Variants in SHISA9 observed in about 807,000 individuals in gnomAD.
SHISA9 encodes shisa family member 9, also known as protein shisa-9.
A neutral mutation model predicts 38.0 loss-of-function variants in SHISA9; 13 were observed. The observed-to-expected ratio is 0.34, with a 90% CI of 0.22 to 0.54. The LOEUF is 0.54. SHISA9 is among the 20% of genes least tolerant of loss of function. SHISA9 has a pLI of 0.91. For synonymous variants in SHISA9, 275 were observed against 242.0 expected, an observed-to-expected ratio of 1.14 and a Z score of -1.27; for missense variants, 538 against 575.8, an observed-to-expected ratio of 0.93 and a Z score of 0.67.
the SHISA9 span, among the ~76,000 whole-genome samples, chr16:13,324,293 A>T: frequency 2.0e-5 from 3 of 152,012 alleles, no homozygotes; most frequent in African/African-American, 7.3e-5. Flanking sequence ...CCCTTTCGTG[A>T]CCTCTTAGCA....
At chr16:12,986,148 A>G (rs2072305561) in intron 2 of SHISA9, among the ~76,000 whole-genome samples, 2 of 152,184 alleles carry the variant, frequency 1.3e-5, no homozygotes, top group African/African-American at 2.4e-5. Flanking sequence ...GCTCATATAC[A>G]AACCCTCTTT....
intron 2 of SHISA9, among the ~76,000 whole-genome samples, chr16:13,059,216 C>T (rs576238006): frequency 6.6e-5 from 10 of 150,658 alleles, no homozygotes; most frequent in East Asian, 5.9e-4. Flanking sequence ...CAAGCTCCCC[C>T]TCCCGGGTTC....
At chr16:13,200,220 T>A (rs2050991203) in intron 2 of SHISA9, among the ~76,000 whole-genome samples, 1 of 152,116 alleles carries the variant, frequency 6.6e-6, no homozygotes, top group Admixed American at 6.5e-5. Flanking sequence ...TACAAGTATT[T>A]CCTGAGATCA....
At chr16:12,907,257 T>C (rs1441919000) in intron 1 of SHISA9, among the ~76,000 whole-genome samples, 1 of 132,272 alleles carries the variant, frequency 7.6e-6, no homozygotes, top group Admixed American at 8.1e-5. Context: ...CTTCCTACCC[T>C]TCTTCCTTCT....
intron 1 of SHISA9, among the ~76,000 whole-genome samples, chr16:12,905,497 T>C (rs904311402): frequency 2.0e-5 from 3 of 151,950 alleles, no homozygotes; most frequent in South Asian, 2.1e-4. Context: ...TGGGGAAACA[T>C]TGGTCTTGGG....
At chr16:13,111,839 C>G (rs146343647) in intron 2 of SHISA9, among the ~76,000 whole-genome samples, 104 of 152,186 alleles carry the variant, frequency 6.8e-4, no homozygotes, top group African/African-American at 2.4e-3. Flanking sequence ...TATGATTGTT[C>G]CTGGATAGGT....
chr16:13,304,287 C>G, the SHISA9 span, among the ~76,000 whole-genome samples: 1 of 152,216 alleles, frequency 6.6e-6, no homozygotes, highest in Admixed American at 6.5e-5. Flanking sequence ...GCAAAAGGGT[C>G]TCACTCTGTC....
At chr16:13,016,063 C>T in intron 2 of SHISA9, among the ~76,000 whole-genome samples, 1 of 145,802 alleles carries the variant, frequency 6.9e-6, no homozygotes. Context: ...TCTTGGCTCA[C>T]TGCAACCTCC....
In SHISA9 at chr16:12,970,391, A is replaced by G. The variant is rs1472115060; in HGVS notation, c.691+53576A>G. On this transcript the variant is annotated intron_variant, in intron 2 of 4. Transcript: ENST00000558583. ...TATACATATATATATACATATATGT[A>G]TATATATATATACATATATATATAT... Among the ~76,000 whole-genome samples the G allele has an allele frequency of 4.7e-3, 44 of 9,392 alleles. 1 individual carries two copies. In the East Asian group the frequency reaches 0.052, roughly 11 times the overall value. The allele number at this position is 9,392 out of a possible 152,430, so 6.2% of individuals were successfully genotyped here.
chr16:12,923,883 A>G (rs1186252169), intron 2 of SHISA9, among the ~76,000 whole-genome samples: 2 of 152,086 alleles, frequency 1.3e-5, no homozygotes, highest in East Asian at 3.9e-4. Context: ...CATCATAGTT[A>G]ATAAATAGAG....
chr16:13,194,177 A>T (rs1242096832), intron 2 of SHISA9, among the ~76,000 whole-genome samples: 1 of 151,874 alleles, frequency 6.6e-6, no homozygotes, highest in African/African-American at 2.4e-5. Context: ...GGTCTTGCCA[A>T]CCAAGTGCGG....
At chr16:13,178,407 T>C (rs766607713) in intron 2 of SHISA9, among the ~76,000 whole-genome samples, 2 of 151,872 alleles carry the variant, frequency 1.3e-5, no homozygotes, top group Non-Finnish European at 2.9e-5. Context: ...TACTATCTCC[T>C]GACGATGCTT....
At chr16:13,540,927 A>G in the SHISA9 span, among the ~76,000 whole-genome samples, 195 of 152,306 alleles carry the variant, frequency 1.3e-3, 2 homozygotes, top group Admixed American at 4.1e-3. Context: ...CCCAACCACT[A>G]AAATGCAGGC....
chr16:13,321,330 G>C, the SHISA9 span, among the ~76,000 whole-genome samples: 1 of 152,158 alleles, frequency 6.6e-6, no homozygotes, highest in Admixed American at 6.5e-5. Flanking sequence ...GTGACAAATA[G>C]CATGTCAATA....
the SHISA9 span, among the ~76,000 whole-genome samples, chr16:13,531,398 A>G: frequency 6.6e-6 from 1 of 152,196 alleles, no homozygotes; most frequent in Non-Finnish European, 1.5e-5. Context: ...AGTGCTTACC[A>G]TATTTAAATT....
the SHISA9 span, among the ~76,000 whole-genome samples, chr16:13,411,750 A>G: frequency 7.9e-5 from 12 of 152,336 alleles, no homozygotes; most frequent in Admixed American, 7.8e-4. Context: ...ACTTCTGCTC[A>G]TATTTCATTG....
At chr16:12,968,724 A>G (rs1291016258) in intron 2 of SHISA9, among the ~76,000 whole-genome samples, 1 of 152,178 alleles carries the variant, frequency 6.6e-6, no homozygotes, top group Non-Finnish European at 1.5e-5. Context: ...CTTTCCTGGA[A>G]AGAGCTCAGT....
chr16:12,948,965 T>A (rs552523177), intron 2 of SHISA9, among the ~76,000 whole-genome samples: 1 of 152,342 alleles, frequency 6.6e-6, no homozygotes, highest in South Asian at 2.1e-4. Context: ...TCATAATATT[T>A]CACCATGTGG....
chr16:13,314,066 C>A, the SHISA9 span, among the ~76,000 whole-genome samples: 1 of 152,124 alleles, frequency 6.6e-6, no homozygotes, highest in African/African-American at 2.4e-5. Flanking sequence ...GGGTTCCCAG[C>A]CTCTTCTCTT....
Sources: allele counts gnomAD v4.1 joint callset (sites outside exome capture counted in the v4.1 genomes callset), GRCh38; gene constraint gnomAD v4.1.1; transcripts MANE v1.5; gene names NCBI Gene and HGNC (gene_info 2026-07-23, HGNC 2026-07-21).